Variants in DPH3 observed in about 807,000 individuals in gnomAD.
DPH3 encodes the protein diphthamide biosynthesis 3, also known as diphthamide biosynthesis protein 3.
DPH3 carries 8 observed loss-of-function variants against 10.2 expected under a neutral mutation model. That is an observed-to-expected ratio of 0.79 (90% CI 0.46 to 1.42). DPH3 has a LOEUF of 1.42. DPH3 is among the 40% of genes most tolerant of loss of function. The probability of loss-of-function intolerance (pLI) is 0.00; values close to 1 mark genes in which losing one functional copy is unlikely to be tolerated. For synonymous variants in DPH3, 35 were observed against 35.6 expected, an observed-to-expected ratio of 0.98 and a Z score of 0.06; for missense variants, 96 against 98.9, an observed-to-expected ratio of 0.97 and a Z score of 0.12.
At position 16,259,906 on chromosome 3, in the gene DPH3, A is replaced by C. The variant is rs1329352965; in HGVS notation, c.*858T>G. ...CATTAGCCTTATCAAAACACAAACAAAAACTCAGATACAGAAATATTACTT... is the reference window on the plus strand; with the variant it reads ...CATTAGCCTTATCAAAACACAAACACAAACTCAGATACAGAAATATTACTT... On this transcript the variant is annotated 3_prime_UTR_variant, in exon 3 of 3. Coordinates refer to ENST00000488423, the MANE Select transcript of DPH3 (RefSeq NM_206831.3). 1 of 152,224 alleles carries C rather than the reference A, an allele frequency of 6.6e-6. No individual in the cohort carries two copies. The highest frequency in any genetic ancestry group is 1.5e-5 in the Non-Finnish European group (1 of 68,044). 9.4% of individuals were successfully genotyped at this position (152,224 alleles called of 1,614,324 possible). A position where few individuals can be genotyped will look rare whatever the true frequency, so the allele number is the denominator to read the frequency against.
Position 16,264,766 on chromosome 3 carries a change from T to C in DPH3, c.108+3A>G. On this transcript the variant is annotated splice_donor_region_variant and intron_variant, in intron 1 of 2. Coordinates refer to ENST00000488423, the MANE Select transcript of DPH3 (RefSeq NM_206831.3). Reference sequence around the variant, plus strand: ...GAACCGCCGGGCGGGACCCTGAAGTTACCTTGGTGATGGAGAAGTTATCTC... The same window carrying C: ...GAACCGCCGGGCGGGACCCTGAAGTCACCTTGGTGATGGAGAAGTTATCTC... The C allele has an allele frequency of 6.2e-7, 1 of 1,614,006 alleles. No homozygotes were observed. Among genetic ancestry groups the C allele is most frequent in the Non-Finnish European group, 8.5e-7 (1 of 1,179,936 alleles).
At position 16,259,761 on chromosome 3, in the gene DPH3, C is replaced by T. The variant is rs897528872; in HGVS notation, c.*1003G>A. On this transcript the variant is annotated 3_prime_UTR_variant, in exon 3 of 3. Transcript: ENST00000488423. ...TTATTCACAATAGGTCTCTCATTTT[C>T]AAGCTCATTCTCCGCTGTAGATGCT... 2.0e-5 allele frequency: 3 copies of T among 152,176 alleles called. No individual in the cohort carries two copies. The allele number at this position is 152,176 out of a possible 1,614,324, so 9.4% of individuals were successfully genotyped here. A position where few individuals can be genotyped will look rare whatever the true frequency, so the allele number is the denominator to read the frequency against.
In DPH3 at chr3:16,263,196, C is replaced by G. The variant is rs192276248; in HGVS notation, c.183+959G>C. On this transcript the variant is annotated intron_variant, in intron 2 of 2. Coordinates refer to ENST00000488423, the MANE Select transcript of DPH3 (RefSeq NM_206831.3). This position sits in a 1 kb window ranked among gnomAD's most constrained non-coding sequence, Gnocchi z 4.0. ...CTCATCCTGCTCTGCTCTGGTCACA[C>G]TGGCCTCCTTTTTGTTCCTTGATAA... Among the ~76,000 whole-genome samples, 2 of 152,294 alleles carry G rather than the reference C, an allele frequency of 1.3e-5. No individual in the cohort carries two copies. Among genetic ancestry groups the G allele is most frequent in the African/African-American group, 4.8e-5 (2 of 41,566 alleles).
chr3:16,257,856 T>C lies in DPH3; in HGVS notation c.*2908A>G, dbSNP rs2064262869. 1 of 152,230 alleles carries C rather than the reference T, an allele frequency of 6.6e-6. No homozygotes were observed. Among genetic ancestry groups the C allele is most frequent in the African/African-American group, 2.4e-5 (1 of 41,460 alleles). The allele number at this position is 152,230 out of a possible 1,614,324, so 9.4% of individuals were successfully genotyped here. A position where few individuals can be genotyped will look rare whatever the true frequency, so the allele number is the denominator to read the frequency against. On this transcript the variant is annotated 3_prime_UTR_variant, in exon 3 of 3. Transcript: ENST00000488423. Reference sequence around the variant, plus strand: ...GGCAATTTCCTTATTTAAAAACTACTGTCCATAACAAAAAGTCTATTAACA... The same window carrying C: ...GGCAATTTCCTTATTTAAAAACTACCGTCCATAACAAAAAGTCTATTAACA...
rs371749986 is a variant in DPH3, at chr3:16,257,328, G to T, written c.*3436C>A. Among the ~76,000 whole-genome samples, 1 of 152,288 alleles carries T rather than the reference G, an allele frequency of 6.6e-6. No homozygotes were observed. The highest frequency in any genetic ancestry group is 1.9e-4 in the East Asian group (1 of 5,180). On this transcript the variant is annotated 3_prime_UTR_variant, in exon 3 of 3. Transcript: ENST00000488423. Reference sequence around the variant, plus strand: ...CTCAGACTCCCTTAAAAAGTCACCTGACCCAGTTACTCTCTCCCACATCAC... The same window carrying T: ...CTCAGACTCCCTTAAAAAGTCACCTTACCCAGTTACTCTCTCCCACATCAC...
intron 1 of DPH3, 182 bp downstream of exon 1, chr3:16,264,587 G>C: frequency 1.6e-6 from 1 of 640,780 alleles, no homozygotes; most frequent in Non-Finnish European, 2.7e-6. Flanking sequence ...CCAGAACTGC[G>C]TGCCTACCGA....
Position 16,264,926 on chromosome 3 carries a change from C to A in DPH3, c.-50G>T. The A allele has an allele frequency of 1.2e-6, 2 of 1,600,566 alleles. No homozygotes were observed. The highest frequency in any genetic ancestry group is 1.7e-6 in the Non-Finnish European group (2 of 1,169,960). On this transcript the variant is annotated 5_prime_UTR_variant, in exon 1 of 3. Transcript: ENST00000488423. The stretch of plus-strand genomic sequence containing the variant: ...TAACGCCCCAGCAGTCCGAGGCCAG[C>A]TCCGAGGGTTTAACTTCGCCGGAAC...
rs2064369174 is a variant in DPH3, at chr3:16,264,699, T to G, written c.108+70A>C. The G allele has an allele frequency of 4.1e-6, 6 of 1,455,582 alleles. No homozygotes were observed. The Admixed American group carries it at 1.1e-4, about 26-fold the overall frequency. The allele number at this position is 1,455,582 out of a possible 1,614,324, so 90.2% of individuals were successfully genotyped here. A position where few individuals can be genotyped will look rare whatever the true frequency, so the allele number is the denominator to read the frequency against. On this transcript the variant is annotated intron_variant, in intron 1 of 2. Coordinates refer to ENST00000488423, the MANE Select transcript of DPH3 (RefSeq NM_206831.3). ...ACACAGCGCAGCAAAGGCTACCCAA[T>G]GATGGAAGGAACGGGCGGAACCAAA... is the stretch of plus-strand genomic sequence containing the variant.
At position 16,260,529 on chromosome 3, in the gene DPH3, A is replaced by G; in HGVS notation, c.*235T>C. Reference sequence around the variant, plus strand: ...CTGTTTTGAAATTATCTTCTTTTAAATTTAGATGCATAATTAAGAATGCTT... The same window carrying G: ...CTGTTTTGAAATTATCTTCTTTTAAGTTTAGATGCATAATTAAGAATGCTT... On this transcript the variant is annotated 3_prime_UTR_variant, in exon 3 of 3. Coordinates refer to ENST00000488423, the MANE Select transcript of DPH3 (RefSeq NM_206831.3). 1 of 447,298 alleles carries G rather than the reference A, an allele frequency of 2.2e-6. No individual in the cohort carries two copies. The highest frequency in any genetic ancestry group is 4.1e-6 in the Non-Finnish European group (1 of 244,188). 27.7% of individuals were successfully genotyped at this position (447,298 alleles called of 1,614,324 possible). A position where few individuals can be genotyped will look rare whatever the true frequency, so the allele number is the denominator to read the frequency against.
At chr3:16,260,893 A>C in intron 2 of DPH3, 64 bp from the exon 3 acceptor site, 6 of 1,431,546 alleles carry the variant, frequency 4.2e-6, no homozygotes, top group Non-Finnish European at 4.9e-6. Context: ...TTAATATTAA[A>C]CCTTCATTTT....
rs778123815 is a variant in DPH3 at position 16,264,248 on chromosome 3, C to G, written c.109-19G>C. ...AATCTTCCTACAACGAAATCAAATA[C>G]CATGTGGTCAGGATAGCTTCTCTTC... On this transcript the variant is annotated intron_variant, in intron 1 of 2. Coordinates refer to ENST00000488423, the MANE Select transcript of DPH3 (RefSeq NM_206831.3). The G allele has an allele frequency of 6.3e-7, 1 of 1,592,676 alleles. No homozygotes were observed. The highest frequency in any genetic ancestry group is 2.3e-5 in the East Asian group (1 of 44,072).
At position 16,260,684 on chromosome 3, in the gene DPH3, G is replaced by T. The variant is rs1231879454; in HGVS notation, c.*80C>A. 7.8e-6 allele frequency: 10 copies of T among 1,275,638 alleles called. No homozygotes were observed. Among genetic ancestry groups the T allele is most frequent in the Admixed American group, 1.9e-5 (1 of 52,032 alleles). 79.0% of individuals were successfully genotyped at this position (1,275,638 alleles called of 1,614,324 possible). A position where few individuals can be genotyped will look rare whatever the true frequency, so the allele number is the denominator to read the frequency against. On this transcript the variant is annotated 3_prime_UTR_variant, in exon 3 of 3. Coordinates refer to ENST00000488423, the MANE Select transcript of DPH3 (RefSeq NM_206831.3). ...CAGCAAATCATAAATGGTTGTCTCT[G>T]TGAAGCCAGTAGCTTTGCATTCGAT... is the stretch of plus-strand genomic sequence containing the variant.
chr3:16,260,534 G>C lies in DPH3; in HGVS notation c.*230C>G, dbSNP rs2124931936. ...TTGAAATTATCTTCTTTTAAATTTAGATGCATAATTAAGAATGCTTCCAAT... is the reference window on the plus strand; with the variant it reads ...TTGAAATTATCTTCTTTTAAATTTACATGCATAATTAAGAATGCTTCCAAT... On this transcript the variant is annotated 3_prime_UTR_variant, in exon 3 of 3. Transcript: ENST00000488423. The C allele has an allele frequency of 4.4e-6, 2 of 450,270 alleles. No homozygotes were observed. The highest frequency in any genetic ancestry group is 7.5e-5 in the Admixed American group (2 of 26,834). 27.9% of individuals were successfully genotyped at this position (450,270 alleles called of 1,614,324 possible).
Position 16,263,507 on chromosome 3 carries a change from G to A in DPH3, c.183+648C>T, listed in dbSNP as rs1015427804. ...TAAATTATAGTCTAAATTATAGCCC[G>A]CTTCTCTCATGAGGCTCTGTGCCTC... On this transcript the variant is annotated intron_variant, in intron 2 of 2. Transcript: ENST00000488423. This position sits in a 1 kb window ranked among gnomAD's most constrained non-coding sequence, Gnocchi z 4.0. 5.9e-5 allele frequency among the ~76,000 whole-genome samples: 9 copies of A among 152,136 alleles called. No individual in the cohort carries two copies. Among genetic ancestry groups the A allele is most frequent in the African/African-American group, 1.4e-4 (6 of 41,414 alleles).
At chr3:16,264,604 T>C (rs116647975) in intron 1 of DPH3, 165 bp downstream of exon 1, 12,113 of 680,732 alleles carry the variant, frequency 0.018, 252 homozygotes, top group Admixed American at 0.08. Flanking sequence ...CCGAGAGAGC[T>C]CAGGGCATTA....
chr3:16,262,330 C>G lies in DPH3; in HGVS notation c.184-1501G>C, dbSNP rs1233693961. 3.9e-5 allele frequency among the ~76,000 whole-genome samples: 6 copies of G among 152,228 alleles called. No homozygotes were observed. Among genetic ancestry groups the G allele is most frequent in the African/African-American group, 7.2e-5 (3 of 41,440 alleles). ...TACTCCATGGAAACTGCTCTCATCT[C>G]CGTCACAGATGAACTCAGTGTTGCT... On this transcript the variant is annotated intron_variant, in intron 2 of 2. Coordinates refer to ENST00000488423, the MANE Select transcript of DPH3 (RefSeq NM_206831.3). The surrounding 1 kb of genome is among the most constrained non-coding windows in gnomAD (Gnocchi z 4.7).
intron 1 of DPH3, 132 bp downstream of exon 1, chr3:16,264,636 AG>A: frequency 1.2e-6 from 1 of 844,550 alleles, no homozygotes; most frequent in Non-Finnish European, 1.9e-6. Flanking sequence ...GGGACGCGGG[AG>A]GAGGAAGATT....
In DPH3 at chr3:16,259,344, A is replaced by G. The variant is rs1309943543; in HGVS notation, c.*1420T>C. 1 of 152,240 alleles carries G rather than the reference A, an allele frequency of 6.6e-6. No homozygotes were observed. Among genetic ancestry groups the G allele is most frequent in the Admixed American group, 6.5e-5 (1 of 15,284 alleles). 9.4% of individuals were successfully genotyped at this position (152,240 alleles called of 1,614,324 possible). ...TATTGTCTCAGCCTAGTGGCTGCAC[A>G]CAGCCATGCTGCTGGCAGGTAAAAA... On this transcript the variant is annotated 3_prime_UTR_variant, in exon 3 of 3. Transcript: ENST00000488423.
chr3:16,260,798 G>A lies in DPH3; in HGVS notation c.215C>T (p.Ala72Val). 1 of 1,613,844 alleles carries A rather than the reference G, an allele frequency of 6.2e-7. No individual in the cohort carries two copies. Among genetic ancestry groups the A allele is most frequent in the South Asian group, 1.1e-5 (1 of 91,022 alleles). Reference protein sequence around the residue: ...DQFVCGETVPAPSANKELVKC With the variant: ...DQFVCGETVPVPSANKELVKC ...AACTAATTCTTTGTTGGCTGAAGGG[G>A]CTGGGACTGTTTCTCCACACACAAA... is the stretch of plus-strand genomic sequence containing the variant. The change falls in exon 3 of 3, where the codon GCC (alanine) becomes GTC (valine). Residue 72 changes from alanine (A) to valine (V), a missense_variant. Ala to Val is a moderately conservative substitution (Grantham distance 64, BLOSUM62 0). Coordinates refer to ENST00000488423, the MANE Select transcript of DPH3 (RefSeq NM_206831.3).
Sources: allele counts gnomAD v4.1 joint callset (sites outside exome capture counted in the v4.1 genomes callset), GRCh38; gene constraint gnomAD v4.1.1; non-coding constraint Gnocchi (gnomAD v3.1); transcripts MANE v1.5; gene names NCBI Gene and HGNC (gene_info 2026-07-23, HGNC 2026-07-21).